Variants in DCTN4 observed in about 807,000 individuals in gnomAD.
DCTN4 encodes dynactin subunit 4, also known as dynactin 4 (p62).
Under a neutral mutation model 62.7 loss-of-function variants are expected in DCTN4, and 23 were observed. The observed-to-expected ratio is 0.37, with a 90% CI of 0.26 to 0.52. The LOEUF (loss-of-function observed/expected upper bound fraction) is 0.52, where lower values mean the gene tolerates loss of function less well. Among genes scored for constraint, DCTN4 ranks in the 20% least tolerant of loss-of-function variants. The pLI is 0.92. For missense variants in DCTN4, 514 were observed against 580.4 expected (o/e 0.89, Z 1.18); for synonymous variants, 199 against 202.1 (o/e 0.98, Z 0.13).
chr5:150,749,090 TA>T (rs1752575281), intron 3 of DCTN4, among the ~76,000 whole-genome samples: 1 of 151,780 alleles, frequency 6.6e-6, no homozygotes. Flanking sequence ...AACTATAAAA[TA>T]AAAAAATTGG....
chr5:150,718,049 T>C (rs187559603), intron 11 of DCTN4, among the ~76,000 whole-genome samples: 31 of 152,286 alleles, frequency 2.0e-4, no homozygotes, highest in African/African-American at 6.7e-4. Flanking sequence ...GGTATAAAAA[T>C]AGCAAGGTCA....
At chr5:150,735,545 G>A (rs1323863450) in intron 4 of DCTN4, among the ~76,000 whole-genome samples, 1 of 152,116 alleles carries the variant, frequency 6.6e-6, no homozygotes, top group Non-Finnish European at 1.5e-5. Context: ...GCTCTGGCCG[G>A]GTGGCTAGAC....
intron 12 of DCTN4, among the ~76,000 whole-genome samples, chr5:150,713,395 A>C (rs1413518791): frequency 6.9e-6 from 1 of 145,538 alleles, no homozygotes; most frequent in Non-Finnish European, 1.5e-5. Flanking sequence ...CACGTTTGGT[A>C]TCACTAAACT....
Position 150,711,298 on chromosome 5 carries a change from C to A in DCTN4, c.1234G>T (p.Glu412Ter). Residue 412 changes from glutamate (E) to a stop codon, truncating the protein, a stop_gained, in exon 13 of 13, where the codon GAG becomes TAG. Transcript: ENST00000447998. LOFTEE classifies it high-confidence loss of function. ...TTGAAGCACACGGTCACTTCACCCTCCTCACGCTGTGGTGTAACTTTGATG... is the reference window on the plus strand; with the variant it reads ...TTGAAGCACACGGTCACTTCACCCTACTCACGCTGTGGTGTAACTTTGATG... ...IFIKVTPQRE[E>*]GEVTVCFKMK... The A allele has an allele frequency of 6.2e-7, 1 of 1,613,550 alleles. No individual in the cohort carries two copies. The highest frequency in any genetic ancestry group is 8.5e-7 in the Non-Finnish European group (1 of 1,180,038).
At chr5:150,718,860 C>G (rs975425029) in intron 10 of DCTN4, among the ~76,000 whole-genome samples, 1 of 152,004 alleles carries the variant, frequency 6.6e-6, no homozygotes, top group African/African-American at 2.4e-5. Context: ...ACTCTGTTGC[C>G]CAGGCTGGAG....
chr5:150,709,165 T>A lies in DCTN4; in HGVS notation c.*1984A>T, dbSNP rs1426051151. 2 of 152,808 alleles carry A rather than the reference T, an allele frequency of 1.3e-5. No homozygotes were observed. Among genetic ancestry groups the A allele is most frequent in the East Asian group, 3.7e-4 (2 of 5,346 alleles). The allele number at this position is 152,808 out of a possible 1,614,324, so 9.5% of individuals were successfully genotyped here. On this transcript the variant is annotated 3_prime_UTR_variant, in exon 13 of 13. Transcript: ENST00000447998. ...ATACTAGCTTACACTAAAACCTATC[T>A]TGAGGAAACATTAAACCAGTGGCTC...
intron 3 of DCTN4, among the ~76,000 whole-genome samples, chr5:150,748,790 G>A (rs1752557290): frequency 8.6e-6 from 1 of 116,572 alleles, no homozygotes; most frequent in African/African-American, 3.0e-5. Flanking sequence ...ACTGTTGTGG[G>A]GTGGGGGGAG....
rs1050994216 is a variant in DCTN4 at position 150,738,845 on chromosome 5, G to T, written c.429+3269C>A. Among the ~76,000 whole-genome samples, 5 of 152,230 alleles carry T rather than the reference G, an allele frequency of 3.3e-5. No homozygotes were observed. The East Asian group carries it at 9.6e-4, about 29-fold the overall frequency. ...GTTGCTGTTTGCCAATGATATGATC[G>T]TATGCCTAGAAAACCCTAGAGACTT... On this transcript the variant is annotated intron_variant, in intron 4 of 12. Coordinates refer to ENST00000447998, the MANE Select transcript of DCTN4 (RefSeq NM_016221.4).
chr5:150,738,722 A>C (rs1455373346), intron 4 of DCTN4, among the ~76,000 whole-genome samples: 2 of 152,202 alleles, frequency 1.3e-5, no homozygotes, highest in Non-Finnish European at 2.9e-5. Flanking sequence ...GCCCACTTTT[A>C]CCACTTCTAT....
chr5:150,727,412 T>C (rs548476769), intron 8 of DCTN4, among the ~76,000 whole-genome samples: 3 of 152,296 alleles, frequency 2.0e-5, no homozygotes, highest in East Asian at 3.9e-4. Context: ...TAACATACTA[T>C]TTTAAAATTA....
chr5:150,719,846 A>C (rs1759896559), intron 9 of DCTN4, 76 bp from the exon 10 acceptor site: 1 of 893,474 alleles, frequency 1.1e-6, no homozygotes, highest in Non-Finnish European at 1.8e-6. Flanking sequence ...AAGCTAGTGC[A>C]GTACATAAAG....
intron 2 of DCTN4, among the ~76,000 whole-genome samples, chr5:150,754,021 T>TA (rs763180097): frequency 2.5e-4 from 38 of 152,192 alleles, no homozygotes; most frequent in Non-Finnish European, 3.7e-4. Flanking sequence ...ATAGAAAACT[T>TA]AGAGTCAACA....
rs758993228 is a variant in DCTN4, at chr5:150,711,127, A to G, written c.*22T>C. On this transcript the variant is annotated 3_prime_UTR_variant, in exon 13 of 13. Transcript: ENST00000447998. Reference sequence around the variant, plus strand: ...GTTTACGGTGATACTGTCCTTTGGGATCTGCCCTCCAGTGGAACCTTTTAA... The same window carrying G: ...GTTTACGGTGATACTGTCCTTTGGGGTCTGCCCTCCAGTGGAACCTTTTAA... 1.1e-5 allele frequency: 17 copies of G among 1,607,832 alleles called. No homozygotes were observed. The highest frequency in any genetic ancestry group is 1.4e-5 in the Non-Finnish European group (17 of 1,176,206).
At chr5:150,727,883 AT>A (rs1760213661) in intron 8 of DCTN4, among the ~76,000 whole-genome samples, 1 of 151,926 alleles carries the variant, frequency 6.6e-6, no homozygotes, top group Non-Finnish European at 1.5e-5. Flanking sequence ...TAAATAAAGC[AT>A]TTTAAAATAT....
At chr5:150,712,333 T>C (rs775145331) in intron 12 of DCTN4, among the ~76,000 whole-genome samples, 7 of 152,184 alleles carry the variant, frequency 4.6e-5, no homozygotes, top group Admixed American at 4.6e-4. Flanking sequence ...TTTCACCACA[T>C]TGGTCAGACT....
rs190508702 is a variant in DCTN4 at position 150,742,453 on chromosome 5, A to G, written c.386-296T>C. ...GACTCTTATTAGTCTCATTTTATAT[A>G]TGAGGAAACTGAGGCTCAGAGATGT... is the stretch of plus-strand genomic sequence containing the variant. On this transcript the variant is annotated intron_variant, in intron 3 of 12. Coordinates refer to ENST00000447998, the MANE Select transcript of DCTN4 (RefSeq NM_016221.4). 9.8e-5 allele frequency among the ~76,000 whole-genome samples: 15 copies of G among 152,328 alleles called. No individual in the cohort carries two copies. In the East Asian group the frequency reaches 2.1e-3, roughly 22 times the overall value.
chr5:150,716,805 G>T (rs530577156), intron 11 of DCTN4, among the ~76,000 whole-genome samples: 1 of 152,092 alleles, frequency 6.6e-6, no homozygotes, highest in South Asian at 2.1e-4. Context: ...TGTAATCCCA[G>T]CTACTTGGGA....
At chr5:150,725,980 G>A (rs1561694213) in intron 8 of DCTN4, among the ~76,000 whole-genome samples, 1 of 151,978 alleles carries the variant, frequency 6.6e-6, no homozygotes, top group Non-Finnish European at 1.5e-5. Flanking sequence ...TTGGCTCACT[G>A]CAACCTCCGC....
At chr5:150,757,435 T>C (rs555371519) in intron 1 of DCTN4, among the ~76,000 whole-genome samples, 24 of 152,304 alleles carry the variant, frequency 1.6e-4, no homozygotes, top group African/African-American at 5.1e-4. Context: ...CAGAGCTTCA[T>C]CTTTCCCTAA....
Sources: gnomAD v4.1 joint callset for allele counts (sites outside exome capture counted in the v4.1 genomes callset) on GRCh38, gnomAD v4.1.1 for gene constraint, MANE v1.5 for transcripts, NCBI Gene and HGNC (gene_info 2026-07-23, HGNC 2026-07-21) for gene names.